HEMK2: variants seen among roughly 807,000 people sequenced by gnomAD.
HEMK2 encodes the protein methyltransferase HEMK2.
chr21:28,672,689 T>C, the HEMK2 span, among the ~76,000 whole-genome samples: 28 of 152,278 alleles, frequency 1.8e-4, no homozygotes, highest in Middle Eastern at 0.01. Context: ...TGGTGCTGTA[T>C]TAGTAGGCTA....
chr21:28,847,934 T>G, the HEMK2 span, among the ~76,000 whole-genome samples: 2 of 152,224 alleles, frequency 1.3e-5, no homozygotes, highest in African/African-American at 4.8e-5. Context: ...TAGTCGTAGA[T>G]GCGAAACTTT....
chr21:28,883,543 A>AATAAT, the HEMK2 span, among the ~76,000 whole-genome samples: 1 of 65,202 alleles, frequency 1.5e-5, no homozygotes, highest in Non-Finnish European at 5.4e-5. Context: ...AGAGAATTAA[A>AATAAT]AGGTCCCCCA....
the HEMK2 span, among the ~76,000 whole-genome samples, chr21:28,877,896 T>C: frequency 6.6e-6 from 1 of 152,154 alleles, no homozygotes; most frequent in East Asian, 1.9e-4. Flanking sequence ...AGAGAGAAAA[T>C]TCATAATACT....
At chr21:28,583,731 C>T in the HEMK2 span, among the ~76,000 whole-genome samples, 1 of 152,134 alleles carries the variant, frequency 6.6e-6, no homozygotes, top group African/African-American at 2.4e-5. Flanking sequence ...CCAAATTGTG[C>T]AGCATTGCAT....
the HEMK2 span, among the ~76,000 whole-genome samples, chr21:28,711,798 T>C: frequency 6.6e-6 from 1 of 152,110 alleles, no homozygotes; most frequent in South Asian, 2.1e-4. Flanking sequence ...ACAACAAACA[T>C]TTATTTCTCA....
the HEMK2 span, among the ~76,000 whole-genome samples, chr21:28,605,040 A>G: frequency 6.6e-6 from 1 of 152,222 alleles, no homozygotes; most frequent in African/African-American, 2.4e-5. Flanking sequence ...GGCATGTATC[A>G]TGTAGGATTG....
At chr21:28,756,632 A>G in the HEMK2 span, among the ~76,000 whole-genome samples, 3 of 152,338 alleles carry the variant, frequency 2.0e-5, no homozygotes, top group East Asian at 5.8e-4. Context: ...CTTTTGCCAG[A>G]GAGTTTAGCT....
At chr21:28,804,322 CA>C in the HEMK2 span, among the ~76,000 whole-genome samples, 58 of 152,232 alleles carry the variant, frequency 3.8e-4, no homozygotes, top group African/African-American at 1.3e-3. Context: ...TCCATTACTT[CA>C]AAAAATGCAA....
At chr21:28,604,717 T>C in the HEMK2 span, among the ~76,000 whole-genome samples, 84,579 of 152,136 alleles carry the variant, frequency 0.56, 26,012 homozygotes, top group East Asian at 0.85. Flanking sequence ...GGTGCAAACC[T>C]CAGTGTCTCT....
the HEMK2 span, among the ~76,000 whole-genome samples, chr21:28,754,085 A>C: frequency 6.6e-6 from 1 of 152,262 alleles, no homozygotes; most frequent in Non-Finnish European, 1.5e-5. Context: ...CATACCAGAA[A>C]GATCTAATGC....
chr21:28,879,604 C>T, the HEMK2 span, among the ~76,000 whole-genome samples: 2 of 152,132 alleles, frequency 1.3e-5, no homozygotes, highest in African/African-American at 4.8e-5. Context: ...TATATATGTA[C>T]ATTTATATTT....
chr21:28,613,620 T>C, the HEMK2 span, among the ~76,000 whole-genome samples: 1 of 6,172 alleles, frequency 1.6e-4, no homozygotes, highest in Non-Finnish European at 4.3e-4. Flanking sequence ...CTGCATATTC[T>C]TTTTTTTTTT....
chr21:28,837,533 T>C, the HEMK2 span, among the ~76,000 whole-genome samples: 1 of 152,178 alleles, frequency 6.6e-6, no homozygotes. Flanking sequence ...ACCTCTGGGA[T>C]ACAGCAAAGG....
At chr21:28,852,669 T>C in the HEMK2 span, among the ~76,000 whole-genome samples, 2 of 152,086 alleles carry the variant, frequency 1.3e-5, no homozygotes, top group Non-Finnish European at 2.9e-5. Context: ...TTCAAGGGGT[T>C]ATAGGTCTGT....
chr21:28,660,231 T>C, the HEMK2 span, among the ~76,000 whole-genome samples: 8 of 151,962 alleles, frequency 5.3e-5, no homozygotes, highest in Admixed American at 5.2e-4. Flanking sequence ...TAAAACTTAA[T>C]ATCATCTGTG....
chr21:28,708,226 A>C, the HEMK2 span, among the ~76,000 whole-genome samples: 2 of 34,414 alleles, frequency 5.8e-5, no homozygotes, highest in Non-Finnish European at 4.3e-5. Flanking sequence ...AATGTAGTCA[A>C]AAAAAAAAAC....
At chr21:28,857,133 T>C in the HEMK2 span, among the ~76,000 whole-genome samples, 1 of 152,202 alleles carries the variant, frequency 6.6e-6, no homozygotes, top group Non-Finnish European at 1.5e-5. Context: ...CCTTTTAAAT[T>C]TGTTTTGATT....
chr21:28,593,967 C>T, the HEMK2 span, among the ~76,000 whole-genome samples: 1 of 152,152 alleles, frequency 6.6e-6, no homozygotes, highest in East Asian at 1.9e-4. Flanking sequence ...CAAAATTTGA[C>T]AAACACTACT....
chr21:28,880,640 G>A, the HEMK2 span, among the ~76,000 whole-genome samples: 1 of 152,122 alleles, frequency 6.6e-6, no homozygotes, highest in Admixed American at 6.5e-5. Flanking sequence ...CTACTGGGGA[G>A]GCTGAGGCAG....
Sources: gnomAD v4.1 joint callset for allele counts (sites outside exome capture counted in the v4.1 genomes callset) on GRCh38, gnomAD v4.1.1 for gene constraint, MANE v1.5 for transcripts, NCBI Gene and HGNC (gene_info 2026-07-23, HGNC 2026-07-21) for gene names.